FAM167A: variants seen among roughly 807,000 people sequenced by gnomAD.
The protein encoded by FAM167A is protein FAM167A.
In FAM167A, 23 loss-of-function variants were observed where a neutral mutation model predicts 14.9. The ratio of observed to expected loss-of-function variants is 1.55; its 90% CI spans 1.11 to 2.19. FAM167A has a LOEUF of 2.19. FAM167A is among the 30% of genes most tolerant of loss of function. The pLI is 0.00. For synonymous variants in FAM167A, 174 were observed against 117.7 expected (o/e 1.48, Z -3.10); for missense variants, 401 against 281.5 (o/e 1.42, Z -3.04).
upstream of FAM167A, among the ~76,000 whole-genome samples, chr8:11,470,503 C>T (rs949155276): frequency 1.3e-5 from 2 of 152,166 alleles, no homozygotes; most frequent in Non-Finnish European, 1.5e-5. Context: ...CCTGGCAGAC[C>T]TCGTGAGGAC....
chr8:11,435,664 G>A (rs968022623), intron 2 of FAM167A, among the ~76,000 whole-genome samples: 2 of 152,198 alleles, frequency 1.3e-5, no homozygotes, highest in African/African-American at 4.8e-5. Context: ...AGAAAGGACA[G>A]AGGAGCAGCC....
chr8:11,446,646 C>T (rs1806796716), intron 1 of FAM167A: 1 of 152,138 alleles, frequency 6.6e-6, no homozygotes, highest in Admixed American at 6.5e-5. Flanking sequence ...TGATAAATAC[C>T]AACCTCCTAT....
At chr8:11,459,571 C>G (rs1362461249) in intron 1 of FAM167A, among the ~76,000 whole-genome samples, 1 of 152,220 alleles carries the variant, frequency 6.6e-6, no homozygotes, top group Admixed American at 6.5e-5. Context: ...AGGAGGGCCT[C>G]TTTCCGGGGC....
rs551985429 is a variant in FAM167A, at chr8:11,462,041, C to T, written c.-398+4585G>A. Among the ~76,000 whole-genome samples, 16 of 152,324 alleles carry T rather than the reference C, an allele frequency of 1.1e-4. No individual in the cohort carries two copies. The East Asian group carries it at 1.9e-3, about 18-fold the overall frequency. On this transcript the variant is annotated intron_variant, in intron 1 of 2. Transcript: ENST00000284486. ...AGCCTGTAAGTGGCTGCAGGTGCAG[C>T]GCTGTGCCTGCACTGGGGTTTGGCA...
intron 1 of FAM167A, among the ~76,000 whole-genome samples, chr8:11,449,759 G>C (rs1806949792): frequency 1.3e-5 from 2 of 152,186 alleles, no homozygotes; most frequent in Non-Finnish European, 2.9e-5. Context: ...AGAGACTGCT[G>C]TTCCAACAAG....
intron 1 of FAM167A, among the ~76,000 whole-genome samples, chr8:11,472,901 C>A (rs1563398921): frequency 6.6e-6 from 1 of 152,204 alleles, no homozygotes; most frequent in African/African-American, 2.4e-5. Flanking sequence ...GGAGGCCGGA[C>A]CAGGAACTGT....
intron 2 of FAM167A, among the ~76,000 whole-genome samples, chr8:11,426,850 T>C (rs999921538): frequency 2.2e-4 from 33 of 152,190 alleles, no homozygotes; most frequent in African/African-American, 7.5e-4. Context: ...TGCATTTTTA[T>C]AGAAGATAAC....
chr8:11,438,931 T>G (rs1806242955), intron 2 of FAM167A, among the ~76,000 whole-genome samples: 1 of 152,354 alleles, frequency 6.6e-6, no homozygotes, highest in East Asian at 1.9e-4. Context: ...GCCCTGTCCC[T>G]GGAAATGGTT....
At chr8:11,470,119 A>G (rs141916562), upstream of FAM167A, among the ~76,000 whole-genome samples, 1 of 152,346 alleles carries the variant, frequency 6.6e-6, no homozygotes, top group Non-Finnish European at 1.5e-5. Context: ...ACGATGACCG[A>G]CAAATACGCT....
rs879025020 is a variant in FAM167A, at chr8:11,422,369, TGG to T, written c.*2002_*2003del. The T allele has an allele frequency of 0.013, 1,370 of 108,012 alleles. 5 individuals carry two copies. Among genetic ancestry groups the T allele is most frequent in the Non-Finnish European group, 0.016 (841 of 53,676 alleles). The allele number at this position is 108,012 out of a possible 1,614,324, so 6.7% of individuals were successfully genotyped here. A position where few individuals can be genotyped will look rare whatever the true frequency, so the allele number is the denominator to read the frequency against. On this transcript the variant is annotated 3_prime_UTR_variant, in exon 3 of 3. Coordinates refer to ENST00000284486, the MANE Select transcript of FAM167A (RefSeq NM_053279.3). ...ATGTTCTCTGTCGTGTGTGTGTGTG[TGG>T]GGGTGTGTGTGTGTGTGTGTGTGTG...
Position 11,421,770 on chromosome 8 carries a change from G to C in FAM167A, c.*2603C>G. 2.5e-6 allele frequency: 1 copy of C among 399,018 alleles called. No individual in the cohort carries two copies. The highest frequency in any genetic ancestry group is 4.4e-5 in the Admixed American group (1 of 22,728). The allele number at this position is 399,018 out of a possible 1,614,324, so 24.7% of individuals were successfully genotyped here. ...TTACACCCAGCGATGCTTGGGGATGGCAGAGAGATGGATGGATAATGAGTA... is the reference window on the plus strand; with the variant it reads ...TTACACCCAGCGATGCTTGGGGATGCCAGAGAGATGGATGGATAATGAGTA... On this transcript the variant is annotated 3_prime_UTR_variant, in exon 3 of 3. Coordinates refer to ENST00000284486, the MANE Select transcript of FAM167A (RefSeq NM_053279.3).
intron 2 of FAM167A, among the ~76,000 whole-genome samples, chr8:11,433,725 C>A (rs1432031283): frequency 3.3e-5 from 5 of 152,174 alleles, no homozygotes; most frequent in South Asian, 4.1e-4. Flanking sequence ...CCTATCCCAG[C>A]CTAATAGCTA....
chr8:11,467,161 T>TG (rs1807808190), upstream of FAM167A, among the ~76,000 whole-genome samples: 1 of 152,336 alleles, frequency 6.6e-6, no homozygotes, highest in South Asian at 2.1e-4. Flanking sequence ...CGGCCACGAC[T>TG]GCCCGCGAGC....
At chr8:11,433,381 C>G (rs1805755034) in intron 2 of FAM167A, among the ~76,000 whole-genome samples, 1 of 152,090 alleles carries the variant, frequency 6.6e-6, no homozygotes, top group African/African-American at 2.4e-5. Context: ...ACCCGAAACC[C>G]TATTAATAGT....
upstream of FAM167A, among the ~76,000 whole-genome samples, chr8:11,470,953 G>C (rs1338610854): frequency 2.6e-5 from 4 of 152,144 alleles, no homozygotes; most frequent in African/African-American, 9.7e-5. Flanking sequence ...GGACAATGAG[G>C]GCCAGCTTTC....
intron 1 of FAM167A, among the ~76,000 whole-genome samples, chr8:11,446,879 C>G (rs758792454): frequency 6.6e-6 from 1 of 152,234 alleles, no homozygotes; most frequent in Non-Finnish European, 1.5e-5. Flanking sequence ...TCTGGGGCAG[C>G]TGCACCTACA....
intron 2 of FAM167A, among the ~76,000 whole-genome samples, chr8:11,428,876 C>T (rs549685891): frequency 2.0e-5 from 3 of 152,174 alleles, no homozygotes; most frequent in Admixed American, 1.3e-4. Context: ...CAAATCCACA[C>T]GAGTTCCCAC....
chr8:11,431,439 G>A (rs947480002), intron 2 of FAM167A, among the ~76,000 whole-genome samples: 7 of 152,202 alleles, frequency 4.6e-5, no homozygotes, highest in African/African-American at 1.7e-4. Context: ...CATTTGGGAG[G>A]ATGAAGTTCT....
chr8:11,453,007 C>T (rs908314814), intron 1 of FAM167A, among the ~76,000 whole-genome samples: 22 of 152,156 alleles, frequency 1.4e-4, no homozygotes, highest in Admixed American at 1.3e-3. Context: ...CCCTTCATCA[C>T]GGCTGCCCCC....
Sources: allele counts gnomAD v4.1 joint callset (sites outside exome capture counted in the v4.1 genomes callset), GRCh38; gene constraint gnomAD v4.1.1; transcripts MANE v1.5; gene names NCBI Gene and HGNC (gene_info 2026-07-23, HGNC 2026-07-21).